LPP: variants seen among roughly 807,000 people sequenced by gnomAD.
LPP encodes the protein LIM domain containing preferred translocation partner in lipoma, also known as lipoma-preferred partner.
Under a neutral mutation model 60.4 loss-of-function variants are expected in LPP, and 38 were observed. The ratio of observed to expected loss-of-function variants is 0.63; its 90% CI spans 0.49 to 0.83. The LOEUF (loss-of-function observed/expected upper bound fraction) is 0.83, where lower values mean the gene tolerates loss of function less well. LPP is among the 40% of genes least tolerant of loss of function. The pLI is 0.00. For synonymous variants in LPP, 328 were observed against 290.8 expected (o/e 1.13, Z -1.30); for missense variants, 902 against 783.6 (o/e 1.15, Z -1.80).
At chr3:188,179,020 G>C (rs1385862613) in intron 1 of LPP, 3 of 299,008 alleles carry the variant, frequency 1.0e-5, no homozygotes, top group African/African-American at 7.4e-5. Context: ...GTGAGCAAGA[G>C]AGAGGGAGGG....
chr3:188,407,788 G>GTTTTTT (rs869082030), intron 4 of LPP, among the ~76,000 whole-genome samples: 17 of 107,614 alleles, frequency 1.6e-4, no homozygotes, highest in African/African-American at 5.5e-4. Context: ...TTGTTTGTTT[G>GTTTTTT]TTTTTTTTTT....
chr3:188,607,770 C>A (rs542062295), intron 6 of LPP, among the ~76,000 whole-genome samples: 3 of 152,046 alleles, frequency 2.0e-5, no homozygotes, highest in Non-Finnish European at 4.4e-5. Context: ...TCAAAATTCA[C>A]CTATTTTGAA....
chr3:188,746,227 T>G (rs980232152), intron 8 of LPP, among the ~76,000 whole-genome samples: 2 of 152,166 alleles, frequency 1.3e-5, no homozygotes, highest in African/African-American at 4.8e-5. Context: ...TCTTTAATCT[T>G]TCTGTACAGT....
intron 7 of LPP, among the ~76,000 whole-genome samples, chr3:188,701,783 G>C (rs907266350): frequency 1.3e-5 from 2 of 151,792 alleles, no homozygotes; most frequent in African/African-American, 4.8e-5. Context: ...AGTGGTCTTG[G>C]TGTTAGAAGA....
chr3:188,688,724 C>A, intron 7 of LPP: 1 of 463,706 alleles, frequency 2.2e-6, no homozygotes, highest in Middle Eastern at 5.1e-4. Context: ...TTATTAAGTG[C>A]CTTTTGCATG....
intron 3 of LPP, among the ~76,000 whole-genome samples, chr3:188,376,642 G>A (rs1275394109): frequency 1.3e-5 from 2 of 152,086 alleles, no homozygotes; most frequent in African/African-American, 2.4e-5. Context: ...ACACTGATGG[G>A]TCTTGACTCT....
intron 6 of LPP, among the ~76,000 whole-genome samples, chr3:188,606,500 G>A (rs780100345): frequency 3.3e-5 from 5 of 151,866 alleles, no homozygotes; most frequent in East Asian, 1.9e-4. Flanking sequence ...TTGGATATTC[G>A]TCTTTAAAAG....
At chr3:188,221,950 GC>G (rs1329866220) in intron 1 of LPP, among the ~76,000 whole-genome samples, 1 of 152,110 alleles carries the variant, frequency 6.6e-6, no homozygotes, top group Non-Finnish European at 1.5e-5. Flanking sequence ...GATTTTGAAC[GC>G]CTGTGTTCAA....
chr3:188,527,562 C>T (rs985052233), intron 6 of LPP, among the ~76,000 whole-genome samples: 3 of 151,970 alleles, frequency 2.0e-5, no homozygotes, highest in African/African-American at 7.3e-5. Flanking sequence ...GAAATGAGCC[C>T]AGGTCAGAAA....
intron 1 of LPP, among the ~76,000 whole-genome samples, chr3:188,166,009 T>C (rs918821654): frequency 6.6e-6 from 1 of 152,168 alleles, no homozygotes; most frequent in African/African-American, 2.4e-5. Context: ...ATCTCTTAAT[T>C]CTGAATGAGA....
At chr3:188,510,286 T>C (rs910407166) in intron 5 of LPP, among the ~76,000 whole-genome samples, 1 of 152,204 alleles carries the variant, frequency 6.6e-6, no homozygotes, top group African/African-American at 2.4e-5. Context: ...GTCTGTTGCA[T>C]TGTATTCCCT....
At chr3:188,791,671 G>A (rs1394920104) in intron 9 of LPP, among the ~76,000 whole-genome samples, 9 of 151,810 alleles carry the variant, frequency 5.9e-5, no homozygotes, top group East Asian at 1.9e-4. Context: ...TAGAACACTC[G>A]TCTTGGGCTT....
rs189949076 is a variant in LPP, at chr3:188,881,805, T to C, written c.*7326T>C. The C allele has an allele frequency of 3.6e-4, 78 of 218,510 alleles. No individual in the cohort carries two copies. The East Asian group carries it at 4.8e-3, about 13-fold the overall frequency. The allele number at this position is 218,510 out of a possible 1,614,324, so 13.5% of individuals were successfully genotyped here. ...TTTTCCTCCATATTTTCATATTAAA[T>C]ATTAACACTTTATAGGTTCTACTTT... On this transcript the variant is annotated 3_prime_UTR_variant, in exon 12 of 12. Transcript: ENST00000617246.
chr3:188,577,574 ATT>A (rs1183352082), intron 6 of LPP, among the ~76,000 whole-genome samples: 1 of 151,012 alleles, frequency 6.6e-6, no homozygotes, highest in African/African-American at 2.4e-5. Context: ...TATACTATAT[ATT>A]TTAATAAATT....
At chr3:188,532,637 A>T (rs1579706476) in intron 6 of LPP, among the ~76,000 whole-genome samples, 1 of 152,206 alleles carries the variant, frequency 6.6e-6, no homozygotes. Flanking sequence ...CCTCTCTGAA[A>T]GGAGCTCCAT....
chr3:188,282,498 G>A (rs1285755284), intron 2 of LPP, among the ~76,000 whole-genome samples: 3 of 152,110 alleles, frequency 2.0e-5, no homozygotes, highest in Non-Finnish European at 4.4e-5. Flanking sequence ...CTTTATTTTG[G>A]TGGGGTGCTC....
chr3:188,834,324 G>GTTTTTTTTTTTTTTTTTTT (rs71867135), intron 9 of LPP, among the ~76,000 whole-genome samples: 6 of 34,094 alleles, frequency 1.8e-4, no homozygotes, highest in Non-Finnish European at 2.0e-4. Flanking sequence ...CTTTTTGGGT[G>GTTTTTTTTTTTTTTTTTTT]TTTTTTTTTT....
intron 5 of LPP, among the ~76,000 whole-genome samples, chr3:188,519,833 A>C (rs1362797797): frequency 1.3e-5 from 2 of 152,180 alleles, no homozygotes; most frequent in East Asian, 3.8e-4. Context: ...GTGAATTTAA[A>C]TTTTTTGGAT....
intron 2 of LPP, among the ~76,000 whole-genome samples, chr3:188,334,425 T>TC (rs1218923340): frequency 7.7e-4 from 111 of 144,820 alleles, no homozygotes; most frequent in East Asian, 1.4e-3. Context: ...TTTCTTTCTT[T>TC]TTTTTTTTTT....
Sources: allele counts gnomAD v4.1 joint callset (sites outside exome capture counted in the v4.1 genomes callset), GRCh38; gene constraint gnomAD v4.1.1; transcripts MANE v1.5; gene names NCBI Gene and HGNC (gene_info 2026-07-23, HGNC 2026-07-21).